Variants in RAB1A observed in about 807,000 individuals in gnomAD.
RAB1A encodes the protein ras-related protein Rab-1A.
In RAB1A, 2 loss-of-function variants were observed where a neutral mutation model predicts 26.0. That is an observed-to-expected ratio of 0.08 (90% confidence interval 0.03 to 0.24). The LOEUF (loss-of-function observed/expected upper bound fraction) is 0.24. Among genes scored for constraint, RAB1A ranks in the 10% least tolerant of loss-of-function variants. The pLI is 1.00. For synonymous variants in RAB1A, 84 were observed against 84.9 expected, an observed-to-expected ratio of 0.99 and a Z score of 0.06; for missense variants, 100 against 247.0, an observed-to-expected ratio of 0.40 and a Z score of 3.99.
At chr2:65,095,378 C>T (rs568955730) in intron 3 of RAB1A, among the ~76,000 whole-genome samples, 39 of 152,124 alleles carry the variant, frequency 2.6e-4, no homozygotes, top group African/African-American at 8.9e-4. Context: ...GACAGGGTCT[C>T]TCACTCTGTC....
rs542580587 is a variant in RAB1A at position 65,115,425 on chromosome 2, C to T, written c.24-10619G>A. Reference sequence around the variant, plus strand: ...TTGACATAAATTTTTCTTCTTCACTCACTTTAAGTATGCTCCACAGAACAC... The same window carrying T: ...TTGACATAAATTTTTCTTCTTCACTTACTTTAAGTATGCTCCACAGAACAC... On this transcript the variant is annotated intron_variant, in intron 1 of 5. Coordinates refer to ENST00000409784, the MANE Select transcript of RAB1A (RefSeq NM_004161.5). 7.0e-4 allele frequency among the ~76,000 whole-genome samples: 107 copies of T among 152,286 alleles called. No individual in the cohort carries two copies. In the South Asian group the frequency reaches 9.1e-3, roughly 13 times the overall value.
chr2:65,113,089 A>G (rs1004652056), intron 1 of RAB1A, among the ~76,000 whole-genome samples: 2 of 152,106 alleles, frequency 1.3e-5, no homozygotes, highest in African/African-American at 4.8e-5. Context: ...GGATATGTGG[A>G]TTTTTGCTAA....
At chr2:65,114,187 G>C (rs552569194) in intron 1 of RAB1A, 7 of 437,780 alleles carry the variant, frequency 1.6e-5, no homozygotes, top group South Asian at 1.2e-4. Flanking sequence ...ATAAAATTTA[G>C]ATTCTCAGAC....
intron 1 of RAB1A, among the ~76,000 whole-genome samples, chr2:65,127,081 T>C (rs1670117140): frequency 1.3e-5 from 2 of 152,222 alleles, no homozygotes; most frequent in Non-Finnish European, 2.9e-5. Flanking sequence ...ACAAATATAG[T>C]AGGCCAGATA....
intron 3 of RAB1A, among the ~76,000 whole-genome samples, chr2:65,094,348 G>A (rs1669236123): frequency 6.6e-6 from 1 of 152,132 alleles, no homozygotes; most frequent in Admixed American, 6.5e-5. Context: ...ACTTTGGGAG[G>A]CCAAGGCAGG....
At chr2:65,101,780 G>A (rs1037374796) in intron 2 of RAB1A, among the ~76,000 whole-genome samples, 3 of 104,910 alleles carry the variant, frequency 2.9e-5, no homozygotes, top group South Asian at 2.7e-4. Context: ...ATGGAGTTTC[G>A]CTCTTGTTGC....
chr2:65,089,870 T>C (rs1461448483), intron 4 of RAB1A, among the ~76,000 whole-genome samples: 2 of 152,150 alleles, frequency 1.3e-5, no homozygotes, highest in Non-Finnish European at 2.9e-5. Context: ...GCCTGGCTAA[T>C]TTTTGTATTT....
At chr2:65,114,769 C>T (rs1038402564) in intron 1 of RAB1A, among the ~76,000 whole-genome samples, 12 of 151,076 alleles carry the variant, frequency 7.9e-5, no homozygotes, top group East Asian at 3.9e-4. Flanking sequence ...GGCGTGAACC[C>T]GGGAGGCGGA....
intron 1 of RAB1A, chr2:65,106,446 T>G (rs1475409368): frequency 3.3e-6 from 1 of 305,504 alleles, no homozygotes; most frequent in East Asian, 1.1e-4. Context: ...ATATAAAACT[T>G]CTATAAGCGA....
At chr2:65,109,033 CA>C (rs1669629778) in intron 1 of RAB1A, among the ~76,000 whole-genome samples, 1 of 152,182 alleles carries the variant, frequency 6.6e-6, no homozygotes, top group Non-Finnish European at 1.5e-5. Flanking sequence ...CAAAGACACA[CA>C]CTTGAATAGC....
chr2:65,120,529 C>G (rs1372321260), intron 1 of RAB1A, among the ~76,000 whole-genome samples: 2 of 150,278 alleles, frequency 1.3e-5, no homozygotes, highest in Non-Finnish European at 3.0e-5. Flanking sequence ...TTGTCACTCT[C>G]AGATTTTCAC....
chr2:65,111,412 C>T (rs537062866), intron 1 of RAB1A, among the ~76,000 whole-genome samples: 2 of 151,268 alleles, frequency 1.3e-5, no homozygotes, highest in South Asian at 2.1e-4. Context: ...AGACAACTGA[C>T]GGACATTCTA....
At chr2:65,091,595 T>C (rs1669173915) in intron 3 of RAB1A, among the ~76,000 whole-genome samples, 1 of 152,196 alleles carries the variant, frequency 6.6e-6, no homozygotes, top group Non-Finnish European at 1.5e-5. Flanking sequence ...GGCATGATCA[T>C]GGCTCGCTGC....
chr2:65,103,304 A>AAAAAAAAAAAAAACAAAC lies in RAB1A; in HGVS notation c.96+1429_96+1430insGTTTGTTTTTTTTTTTTT, dbSNP rs757626011. 2.3e-4 allele frequency among the ~76,000 whole-genome samples: 26 copies of AAAAAAAAAAAAAACAAAC among 112,496 alleles called. 2 individuals carry two copies. The highest frequency in any genetic ancestry group is 4.6e-4 in the African/African-American group (15 of 32,374). The allele number at this position is 112,496 out of a possible 152,430, so 73.8% of individuals were successfully genotyped here. ...AACACAGCCAGAATCTGTCTCAAAA[A>AAAAAAAAAAAAAACAAAC]AAAAAAAAAACATTGTTTTATGTGA... On this transcript the variant is annotated intron_variant, in intron 2 of 5. Transcript: ENST00000409784.
intron 1 of RAB1A, among the ~76,000 whole-genome samples, chr2:65,126,905 A>C (rs1021958307): frequency 2.0e-4 from 30 of 152,356 alleles, no homozygotes; most frequent in African/African-American, 5.5e-4. Context: ...CATTAAAACA[A>C]AAAGAAACTG....
chr2:65,101,742 C>CTTTTTTTTTT (rs71401771), intron 2 of RAB1A, among the ~76,000 whole-genome samples: 18 of 70,682 alleles, frequency 2.5e-4, no homozygotes, highest in African/African-American at 4.1e-4. Flanking sequence ...GTATTACTTC[C>CTTTTTTTTTT]TTTTTTTTTT....
chr2:65,090,933 T>C (rs907834256), intron 4 of RAB1A, 50 bp downstream of exon 4: 5 of 1,287,258 alleles, frequency 3.9e-6, no homozygotes, highest in Non-Finnish European at 5.5e-6. Context: ...ATTAATCAAA[T>C]AATGGCTTCC....
intron 2 of RAB1A, among the ~76,000 whole-genome samples, chr2:65,099,525 C>T (rs4671115): frequency 0.82 from 124,537 of 152,204 alleles, 51,054 homozygotes; most frequent in African/African-American, 0.82. Flanking sequence ...AACAGAACTT[C>T]CTGTGACAAT....
chr2:65,095,456 C>A (rs1042671706), intron 3 of RAB1A, among the ~76,000 whole-genome samples: 1 of 151,900 alleles, frequency 6.6e-6, no homozygotes, highest in African/African-American at 2.4e-5. Flanking sequence ...CTCAAACATT[C>A]CTCCCACCTC....
Sources: allele counts gnomAD v4.1 joint callset (sites outside exome capture counted in the v4.1 genomes callset), GRCh38; gene constraint gnomAD v4.1.1; transcripts MANE v1.5; gene names NCBI Gene and HGNC (gene_info 2026-07-23, HGNC 2026-07-21).